The following SMOC2 variants were observed in gnomAD, a reference collection of about 807,000 sequenced individuals.
SMOC2 encodes SPARC related modular calcium binding 2.
In SMOC2, 39 loss-of-function variants were observed where a neutral mutation model predicts 61.4. That is an observed-to-expected ratio of 0.64 (90% CI 0.49 to 0.83). The LOEUF (loss-of-function observed/expected upper bound fraction) is 0.83, where lower values mean the gene tolerates loss of function less well. Ranked by LOEUF, SMOC2 falls within the 40% of genes least tolerant of loss-of-function variation. The pLI, the probability that SMOC2 is intolerant of heterozygous loss-of-function variation, is 0.00. For synonymous variants in SMOC2, 247 were observed against 239.9 expected, an observed-to-expected ratio of 1.03 and a Z score of -0.27; for missense variants, 556 against 592.9, an observed-to-expected ratio of 0.94 and a Z score of 0.65.
At chr6:168,490,892 G>A (rs1014138221) in intron 1 of SMOC2, among the ~76,000 whole-genome samples, 2 of 152,238 alleles carry the variant, frequency 1.3e-5, no homozygotes, top group African/African-American at 4.8e-5. Context: ...TGCTGCCCAG[G>A]TGTGCCCATG....
chr6:168,618,851 G>T (rs959259783), intron 9 of SMOC2, among the ~76,000 whole-genome samples: 2 of 152,148 alleles, frequency 1.3e-5, no homozygotes, highest in Admixed American at 6.5e-5. Flanking sequence ...GAGAGACAGC[G>T]ATGGCAGGAA....
At chr6:168,487,720 C>G (rs571345903) in intron 1 of SMOC2, among the ~76,000 whole-genome samples, 1 of 152,206 alleles carries the variant, frequency 6.6e-6, no homozygotes, top group South Asian at 2.1e-4. Flanking sequence ...CCAGGGTGGT[C>G]TCAAACTCCT....
At chr6:168,569,044 T>C (rs749480017) in intron 7 of SMOC2, among the ~76,000 whole-genome samples, 2 of 152,200 alleles carry the variant, frequency 1.3e-5, no homozygotes, top group African/African-American at 2.4e-5. Context: ...ACATCAGGGT[T>C]CAGCACATTT....
In SMOC2 at chr6:168,653,062, AC is replaced by A. The variant is rs770992223; in HGVS notation, c.1122del (p.Phe375SerfsTer15). ...GAGACATCGGCAAAAAGGAAATCAA[AC>A]CCTTCAAGAGGTTCCTTCGCAAAAA... ...SGDIGKKEIK[P>X]FKRFLRKKSK... is the part of the protein sequence containing the mutation. On this transcript the variant is annotated frameshift_variant, in exon 11 of 13. Transcript: ENST00000356284. LOFTEE classifies it high-confidence loss of function. 7.4e-6 allele frequency: 12 copies of A among 1,614,118 alleles called. No individual in the cohort carries two copies. Among genetic ancestry groups the A allele is most frequent in the Non-Finnish European group, 1.0e-5 (12 of 1,180,028 alleles).
At chr6:168,497,287 C>T (rs1292246945) in intron 1 of SMOC2, among the ~76,000 whole-genome samples, 1 of 152,240 alleles carries the variant, frequency 6.6e-6, no homozygotes, top group Non-Finnish European at 1.5e-5. Context: ...TTCGTGTGTT[C>T]CTGGGTGACC....
intron 1 of SMOC2, among the ~76,000 whole-genome samples, chr6:168,492,157 A>G (rs1782484434): frequency 6.6e-6 from 1 of 152,196 alleles, no homozygotes; most frequent in African/African-American, 2.4e-5. Context: ...TTTCTCTTGA[A>G]AGGAAAAATA....
In SMOC2 at chr6:168,650,583, A is replaced by G. The variant is rs1787166288; in HGVS notation, c.908-98A>G. 8 of 1,127,304 alleles carry G rather than the reference A, an allele frequency of 7.1e-6. No individual in the cohort carries two copies. In the East Asian group the frequency reaches 1.3e-4, roughly 18 times the overall value. The allele number at this position is 1,127,304 out of a possible 1,614,324, so 69.8% of individuals were successfully genotyped here. A position where few individuals can be genotyped will look rare whatever the true frequency, so the allele number is the denominator to read the frequency against. On this transcript the variant is annotated intron_variant, in intron 9 of 12. Transcript: ENST00000356284. ...CATTAAGATTAAGGTAGGCCAAAAT[A>G]CTCATTTCCAAACAGTAAAACAACA...
chr6:168,565,885 C>T (rs1391339800), intron 7 of SMOC2, among the ~76,000 whole-genome samples: 1 of 152,148 alleles, frequency 6.6e-6, no homozygotes, highest in Non-Finnish European at 1.5e-5. Flanking sequence ...GGGATTCTCA[C>T]CTGACCTCGA....
At chr6:168,516,210 T>G (rs570485105) in intron 2 of SMOC2, among the ~76,000 whole-genome samples, 2 of 152,338 alleles carry the variant, frequency 1.3e-5, no homozygotes, top group Admixed American at 6.5e-5. Flanking sequence ...TGACCTTGAA[T>G]AGAACTGCGG....
rs571831942 is a variant in SMOC2 at position 168,661,281 on chromosome 6, T to G, written c.1286-2793T>G. 1.4e-4 allele frequency among the ~76,000 whole-genome samples: 21 copies of G among 152,344 alleles called. No individual in the cohort carries two copies. The South Asian group carries it at 4.3e-3, about 32-fold the overall frequency. ...AAGTTTTTTTTGTTCCCTATATTTT[T>G]GCTCACTACTGAACAATGCGCTTTT... On this transcript the variant is annotated intron_variant, in intron 11 of 12. Coordinates refer to ENST00000356284, the MANE Select transcript of SMOC2 (RefSeq NM_001166412.2).
chr6:168,571,736 C>T (rs1166456371), intron 7 of SMOC2, among the ~76,000 whole-genome samples: 2 of 152,074 alleles, frequency 1.3e-5, no homozygotes, highest in African/African-American at 4.8e-5. Context: ...GGTGCCCTGC[C>T]GAGGGAGACT....
At chr6:168,636,454 C>T (rs898627113) in intron 9 of SMOC2, among the ~76,000 whole-genome samples, 3 of 152,148 alleles carry the variant, frequency 2.0e-5, no homozygotes, top group Non-Finnish European at 2.9e-5. Flanking sequence ...TTGTAGATGC[C>T]AGTGTTGAGG....
chr6:168,496,407 A>G (rs1400193609), intron 1 of SMOC2, among the ~76,000 whole-genome samples: 1 of 152,214 alleles, frequency 6.6e-6, no homozygotes, highest in Non-Finnish European at 1.5e-5. Context: ...AACACATAGC[A>G]AATGAGCGAC....
chr6:168,585,448 A>C (rs1159821015), intron 7 of SMOC2, among the ~76,000 whole-genome samples: 1 of 152,212 alleles, frequency 6.6e-6, no homozygotes, highest in Non-Finnish European at 1.5e-5. Flanking sequence ...TTATTTCTGC[A>C]TTTTCAAATT....
At position 168,482,169 on chromosome 6, in the gene SMOC2, C is replaced by T. The variant is rs1037043473; in HGVS notation, c.85-27746C>T. ...CTACATAGACTAAGAAAAAAAGAGA[C>T]GTTTCAAATTACTAAAATAGAAAGT... is the stretch of plus-strand genomic sequence containing the variant. On this transcript the variant is annotated intron_variant, in intron 1 of 12. Coordinates refer to ENST00000356284, the MANE Select transcript of SMOC2 (RefSeq NM_001166412.2). Among the ~76,000 whole-genome samples the T allele has an allele frequency of 7.9e-5, 12 of 151,538 alleles. No homozygotes were observed. In the East Asian group the frequency reaches 1.2e-3, roughly 15 times the overall value.
chr6:168,565,697 A>ATGGAGC (rs1562351651), intron 7 of SMOC2, among the ~76,000 whole-genome samples: 1 of 152,224 alleles, frequency 6.6e-6, no homozygotes. Flanking sequence ...AAGGCTCAGC[A>ATGGAGC]TGGAGCTGAA....
chr6:168,541,882 G>A (rs1183224014), intron 4 of SMOC2, among the ~76,000 whole-genome samples: 1 of 152,184 alleles, frequency 6.6e-6, no homozygotes, highest in Non-Finnish European at 1.5e-5. Flanking sequence ...CTGCCTGAGT[G>A]TAGAGAATGT....
At chr6:168,447,429 A>G (rs551652213) in intron 1 of SMOC2, among the ~76,000 whole-genome samples, 1 of 152,074 alleles carries the variant, frequency 6.6e-6, no homozygotes, top group East Asian at 1.9e-4. Context: ...TGCTATTTCT[A>G]TTTTAGCACC....
At position 168,453,796 on chromosome 6, in the gene SMOC2, T is replaced by A. The variant is rs556426701; in HGVS notation, c.84+12342T>A. On this transcript the variant is annotated intron_variant, in intron 1 of 12. Transcript: ENST00000356284. This position sits in a 1 kb window ranked among gnomAD's most constrained non-coding sequence, Gnocchi z 4.4. ...CTCTGATTCTATCTCTTGGTCTCTG[T>A]CATTCTCCATCTCTGTCCTCTATCT... Among the ~76,000 whole-genome samples the A allele has an allele frequency of 2.3e-4, 35 of 152,050 alleles. No individual in the cohort carries two copies. Among genetic ancestry groups the A allele is most frequent in the Admixed American group, 7.2e-4 (11 of 15,280 alleles).
Sources: allele counts gnomAD v4.1 joint callset (sites outside exome capture counted in the v4.1 genomes callset), GRCh38; gene constraint gnomAD v4.1.1; non-coding constraint Gnocchi (gnomAD v3.1); transcripts MANE v1.5; gene names NCBI Gene and HGNC (gene_info 2026-07-23, HGNC 2026-07-21).